Variants in TRHR observed in about 807,000 individuals in gnomAD.
The protein encoded by TRHR is thyrotropin-releasing hormone receptor.
A neutral mutation model predicts 28.0 loss-of-function variants in TRHR; 14 were observed. The ratio of observed to expected loss-of-function variants is 0.50; its 90% CI spans 0.33 to 0.78. The LOEUF (loss-of-function observed/expected upper bound fraction) is 0.78, where lower values mean the gene tolerates loss of function less well. Among genes scored for constraint, TRHR ranks in the 30% least tolerant of loss-of-function variants. TRHR has a pLI of 0.02. For synonymous variants in TRHR, 176 were observed against 171.9 expected (o/e 1.02, Z -0.18); for missense variants, 438 against 469.5 (o/e 0.93, Z 0.62).
chr8:109,110,369 C>T (rs1025727062), intron 2 of TRHR, among the ~76,000 whole-genome samples: 1 of 151,512 alleles, frequency 6.6e-6, no homozygotes, highest in African/African-American at 2.4e-5. Flanking sequence ...TGGGTGACAT[C>T]GATAACTTGT....
intron 2 of TRHR, among the ~76,000 whole-genome samples, chr8:109,094,524 C>T (rs1483678408): frequency 6.6e-6 from 1 of 151,938 alleles, no homozygotes; most frequent in East Asian, 1.9e-4. Context: ...ATTTTTGTGA[C>T]AGCTCACAGC....
At chr8:109,108,451 A>G (rs1432356230) in intron 2 of TRHR, among the ~76,000 whole-genome samples, 2 of 152,276 alleles carry the variant, frequency 1.3e-5, no homozygotes, top group East Asian at 3.9e-4. Flanking sequence ...GGAAAGATCA[A>G]TGTCTTCAGA....
intron 2 of TRHR, among the ~76,000 whole-genome samples, chr8:109,100,781 C>A (rs908764274): frequency 1.6e-4 from 25 of 152,172 alleles, no homozygotes; most frequent in Admixed American, 3.9e-4. Flanking sequence ...AGGCGGGCAC[C>A]AGAAAGGCTT....
Position 109,119,598 on chromosome 8 carries a change from T to A in TRHR, c.*143T>A. 1 of 933,608 alleles carries A rather than the reference T, an allele frequency of 1.1e-6. No homozygotes were observed. The highest frequency in any genetic ancestry group is 2.3e-5 in the Admixed American group (1 of 42,826). 57.8% of individuals were successfully genotyped at this position (933,608 alleles called of 1,614,324 possible). ...TGCTCTAACAAATTCTGGCCCTAGA[T>A]ACTTTAACCCATGAGGATGATTCAG... is the stretch of plus-strand genomic sequence containing the variant. On this transcript the variant is annotated 3_prime_UTR_variant, in exon 3 of 3. Coordinates refer to ENST00000518632, the MANE Select transcript of TRHR (RefSeq NM_003301.7).
rs942069613 is a variant in TRHR at position 109,114,006 on chromosome 8, C to T, written c.790-5042C>T. 2.5e-4 allele frequency among the ~76,000 whole-genome samples: 38 copies of T among 152,052 alleles called. 2 individuals are homozygous for T. Among genetic ancestry groups the T allele is most frequent in the Admixed American group, 2.2e-3 (34 of 15,238 alleles). On this transcript the variant is annotated intron_variant, in intron 2 of 2. Transcript: ENST00000518632. ...TCCAATTCACATTTATAAAAGATAA[C>T]TGCCTGAATAGGATCCTTATCTGGA...
At chr8:109,094,255 T>C (rs182005033) in intron 2 of TRHR, among the ~76,000 whole-genome samples, 3 of 151,834 alleles carry the variant, frequency 2.0e-5, no homozygotes, top group Admixed American at 2.0e-4. Context: ...TTTTCATTTT[T>C]CAAAATTTTT....
chr8:109,087,707 G>A lies in TRHR; in HGVS notation c.195G>A (p.Val65=), dbSNP rs774603869. The A allele has an allele frequency of 2.5e-6, 4 of 1,613,998 alleles. No individual in the cohort carries two copies. Among genetic ancestry groups the A allele is most frequent in the Non-Finnish European group, 3.4e-6 (4 of 1,180,042 alleles). ...HMRTPTNCYL[V]SLAVADLMVL... ...GGACCCCCACAAACTGCTACCTGGT[G>A]AGCCTGGCAGTAGCTGATCTCATGG... The change falls in exon 2 of 3, where the codon GTG becomes GTA. Residue 65 remains valine, a synonymous_variant. Transcript: ENST00000518632.
intron 2 of TRHR, among the ~76,000 whole-genome samples, chr8:109,109,393 T>C (rs1811795657): frequency 1.3e-5 from 2 of 151,438 alleles, no homozygotes; most frequent in Non-Finnish European, 2.9e-5. Flanking sequence ...ATCAGTCTTA[T>C]CCTCTCTAAA....
rs529002155 is a variant in TRHR, at chr8:109,121,409, T to C, written c.*1954T>C. 6.6e-6 allele frequency among the ~76,000 whole-genome samples: 1 copy of C among 151,862 alleles called. No individual in the cohort carries two copies. The highest frequency in any genetic ancestry group is 6.6e-5 in the Admixed American group (1 of 15,192). On this transcript the variant is annotated 3_prime_UTR_variant, in exon 3 of 3. Coordinates refer to ENST00000518632, the MANE Select transcript of TRHR (RefSeq NM_003301.7). ...CATTACAGAAAGGACCTAATATCAT[T>C]GAGCATCGACTATGTCTCAGGTATG...
At chr8:109,104,107 A>C (rs189683376) in intron 2 of TRHR, among the ~76,000 whole-genome samples, 1 of 152,298 alleles carries the variant, frequency 6.6e-6, no homozygotes, top group Non-Finnish European at 1.5e-5. Flanking sequence ...TCCTAAATAT[A>C]AGCCCACTGC....
At position 109,087,677 on chromosome 8, in the gene TRHR, C is replaced by T. The variant is rs1232876716; in HGVS notation, c.165C>T (p.His55=). ...TCCTGGTTGTCATGAGAACCAAGCA[C>T]ATGAGGACCCCCACAAACTGCTACC... ...MVVLVVMRTK[H]MRTPTNCYLV... The change falls in exon 2 of 3, where the codon CAC becomes CAT. Residue 55 remains histidine, a synonymous_variant. Coordinates refer to ENST00000518632, the MANE Select transcript of TRHR (RefSeq NM_003301.7). The T allele has an allele frequency of 1.2e-6, 2 of 1,614,112 alleles. No individual in the cohort carries two copies. Among genetic ancestry groups the T allele is most frequent in the Non-Finnish European group, 1.7e-6 (2 of 1,180,026 alleles).
chr8:109,100,319 G>A (rs1438256195), intron 2 of TRHR, among the ~76,000 whole-genome samples: 1 of 152,016 alleles, frequency 6.6e-6, no homozygotes, highest in East Asian at 1.9e-4. Context: ...GGACCTCCAG[G>A]GATTTCTTTA....
chr8:109,115,630 T>C (rs1811909632), intron 2 of TRHR, among the ~76,000 whole-genome samples: 1 of 152,198 alleles, frequency 6.6e-6, no homozygotes, highest in South Asian at 2.1e-4. Context: ...TGTATAAGAA[T>C]GCTTGTGATT....
At chr8:109,093,261 C>A (rs1246695250) in intron 2 of TRHR, among the ~76,000 whole-genome samples, 1 of 151,828 alleles carries the variant, frequency 6.6e-6, no homozygotes, top group Non-Finnish European at 1.5e-5. Context: ...TCGCTGGGCA[C>A]CCTCCTGACC....
intron 2 of TRHR, among the ~76,000 whole-genome samples, chr8:109,097,382 A>T (rs1249314068): frequency 6.6e-6 from 1 of 152,170 alleles, no homozygotes; most frequent in Non-Finnish European, 1.5e-5. Flanking sequence ...CACCCTTTAA[A>T]ATATGACCCT....
At chr8:109,107,705 C>T (rs1265297706) in intron 2 of TRHR, among the ~76,000 whole-genome samples, 2 of 152,132 alleles carry the variant, frequency 1.3e-5, no homozygotes, top group Non-Finnish European at 2.9e-5. Flanking sequence ...ATAAAGCTGG[C>T]ACCTCTTATC....
In TRHR at chr8:109,087,810, T is replaced by A. The variant is rs199997387; in HGVS notation, c.298T>A (p.Cys100Ser). Residue 100 changes from cysteine to serine, a missense_variant, in exon 2 of 3, where the codon TGC becomes AGC. Cys to Ser is a moderately radical substitution (Grantham distance 112). Coordinates refer to ENST00000518632, the MANE Select transcript of TRHR (RefSeq NM_003301.7). ...SWVYGYVGCL[C>S]ITYLQYLGIN... is the part of the protein sequence containing the mutation. ...GGTCTATGGCTATGTTGGATGCCTC[T>A]GCATTACTTACCTCCAGTATTTGGG... 6 of 1,614,130 alleles carry A rather than the reference T, an allele frequency of 3.7e-6. No individual in the cohort carries two copies. The highest frequency in any genetic ancestry group is 5.1e-6 in the Non-Finnish European group (6 of 1,180,056).
chr8:109,103,066 G>A (rs952731599), intron 2 of TRHR, among the ~76,000 whole-genome samples: 60 of 152,102 alleles, frequency 3.9e-4, no homozygotes, highest in African/African-American at 1.2e-3. Context: ...CATCCACAGG[G>A]CAGGGATTTC....
At position 109,088,408 on chromosome 8, in the gene TRHR, A is replaced by G. The variant is rs1259879259; in HGVS notation, c.789+107A>G. ...TAGCTGATGGCGAAACCAAAATACA[A>G]TCATGCAAATGTTTCACAGTGTAAG... On this transcript the variant is annotated intron_variant, in intron 2 of 2. Transcript: ENST00000518632. The G allele has an allele frequency of 2.4e-5, 27 of 1,136,236 alleles. No homozygotes were observed. In the Admixed American group the frequency reaches 4.5e-4, roughly 19 times the overall value. 70.4% of individuals were successfully genotyped at this position (1,136,236 alleles called of 1,614,324 possible).
Sources: allele counts gnomAD v4.1 joint callset (sites outside exome capture counted in the v4.1 genomes callset), GRCh38; gene constraint gnomAD v4.1.1; transcripts MANE v1.5; gene names NCBI Gene and HGNC (gene_info 2026-07-23, HGNC 2026-07-21).